Variants in MDN1 observed in about 807,000 individuals in gnomAD.
MDN1 encodes midasin.
In MDN1, 266 loss-of-function variants were observed where a neutral mutation model predicts 669.2. That is an observed-to-expected ratio of 0.40 (90% CI 0.36 to 0.44). MDN1 has a LOEUF of 0.44. MDN1 is among the 20% of genes least tolerant of loss of function. The pLI, the probability that MDN1 is intolerant of heterozygous loss-of-function variation, is 1.00. For missense variants in MDN1, 5,940 were observed against 6,754.0 expected, an observed-to-expected ratio of 0.88 and a Z score of 4.22; for synonymous variants, 2,385 against 2,457.1, an observed-to-expected ratio of 0.97 and a Z score of 0.87.
In MDN1 at chr6:89,654,179, T is replaced by G. The variant is rs574058435; in HGVS notation, c.15646A>C (p.Thr5216Pro). 7.4e-6 allele frequency: 12 copies of G among 1,614,234 alleles called. 2 individuals are homozygous for G. The South Asian group carries it at 1.3e-4, about 18-fold the overall frequency. The change falls in exon 93 of 102, where the codon ACC becomes CCC. Residue 5216 changes from threonine to proline, a missense_variant. Thr to Pro is a conservative substitution (Grantham distance 38). This residue lies in a region of MDN1 where 2,280 missense variants were observed against 2,576.3 expected (regional missense o/e 0.88). Transcript: ENST00000369393. ...CAGGACTCACCCAAGGGTGCTGTGG[T>G]GCCCGACTTGATTTCCTCTGGCTTC... is the stretch of plus-strand genomic sequence containing the variant. ...QLKPEEIKSGTTAPLGFDEME... is the reference protein window; with the variant it reads ...QLKPEEIKSGPTAPLGFDEME...
At chr6:89,760,390 A>G (rs1188238098) in intron 17 of MDN1, among the ~76,000 whole-genome samples, 1 of 152,166 alleles carries the variant, frequency 6.6e-6, no homozygotes, top group Non-Finnish European at 1.5e-5. Flanking sequence ...GGAGACACAC[A>G]TGGTGAGAGA....
rs745844453 is a variant in MDN1, at chr6:89,642,544, A to G, written c.*1461T>C. 1 of 152,250 alleles carries G rather than the reference A, an allele frequency of 6.6e-6. No homozygotes were observed. The highest frequency in any genetic ancestry group is 1.5e-5 in the Non-Finnish European group (1 of 68,050). 9.4% of individuals were successfully genotyped at this position (152,250 alleles called of 1,614,324 possible). On this transcript the variant is annotated 3_prime_UTR_variant, in exon 102 of 102. Transcript: ENST00000369393. ...TTTTTATAAGCCTCCTTATAAGGCT[A>G]CACCAACTCATCCTTTTCATTCTGC... is the stretch of plus-strand genomic sequence containing the variant.
intron 11 of MDN1, among the ~76,000 whole-genome samples, chr6:89,777,378 C>T (rs1282273369): frequency 6.6e-6 from 1 of 152,210 alleles, no homozygotes; most frequent in Non-Finnish European, 1.5e-5. Context: ...ACTTCTAAGC[C>T]TCATAGGCTG....
intron 88 of MDN1, 136 bp downstream of exon 88, chr6:89,661,295 T>C: frequency 1.0e-6 from 1 of 971,774 alleles, no homozygotes; most frequent in South Asian, 1.7e-5. Flanking sequence ...GGCAAACCAT[T>C]TTCTCAGACT....
intron 1 of MDN1, chr6:89,815,350 G>T: frequency 2.2e-6 from 1 of 463,920 alleles, no homozygotes; most frequent in Admixed American, 2.5e-5. Context: ...CATTATGGCG[G>T]AAGAGAGTGG....
chr6:89,735,694 T>A (rs1231113037), intron 33 of MDN1, among the ~76,000 whole-genome samples: 1 of 152,144 alleles, frequency 6.6e-6, no homozygotes, highest in African/African-American at 2.4e-5. Context: ...ACAATTAGGA[T>A]CAGAATTCAA....
rs780660286 is a variant in MDN1, at chr6:89,662,904, T to A, written c.14300A>T (p.Asn4767Ile). Residue 4767 changes from asparagine to isoleucine, a missense_variant, in exon 86 of 102, where the codon AAT becomes ATT. Asn to Ile is a moderately radical substitution (Grantham distance 149). Around this residue, in one of 5 missense-constraint regions of MDN1, gnomAD observed 2,280 missense variants for 2,576.3 expected, o/e 0.88. Coordinates refer to ENST00000369393, the MANE Select transcript of MDN1 (RefSeq NM_014611.3). The stretch of plus-strand genomic sequence containing the variant: ...ATCTAGTTTGTCAGCTTCCTCACCA[T>A]TGAGATCGCCCATGTGTTTATCCAG... ...GDLDKHMGDL[N>I]GEEADKLDER... The A allele has an allele frequency of 6.2e-7, 1 of 1,614,102 alleles. No individual in the cohort carries two copies. Among genetic ancestry groups the A allele is most frequent in the Non-Finnish European group, 8.5e-7 (1 of 1,180,018 alleles).
intron 20 of MDN1, among the ~76,000 whole-genome samples, chr6:89,755,296 C>A (rs59993691): frequency 6.0e-5 from 9 of 150,812 alleles, no homozygotes; most frequent in Non-Finnish European, 1.5e-5. Flanking sequence ...GTAATTCCAG[C>A]ACTTTGGGAG....
At chr6:89,664,111 A>C (rs916528167) in intron 85 of MDN1, among the ~76,000 whole-genome samples, 5 of 152,220 alleles carry the variant, frequency 3.3e-5, no homozygotes, top group African/African-American at 1.2e-4. Flanking sequence ...GTTCCAAATC[A>C]TCTACAACAA....
At chr6:89,782,685 G>A (rs536800635) in intron 9 of MDN1, among the ~76,000 whole-genome samples, 229 of 151,366 alleles carry the variant, frequency 1.5e-3, no homozygotes, top group African/African-American at 5.3e-3. Flanking sequence ...TCACGCCTGT[G>A]ATCCCAGCAC....
chr6:89,818,282 T>C (rs1487451904), intron 1 of MDN1, among the ~76,000 whole-genome samples: 4 of 135,486 alleles, frequency 3.0e-5, no homozygotes, highest in Non-Finnish European at 6.1e-5. Context: ...GGGTGGGCCA[T>C]TGCACTCCAG....
chr6:89,701,405 G>A (rs548651870), intron 55 of MDN1, among the ~76,000 whole-genome samples, 153 bp downstream of exon 55: 6 of 152,284 alleles, frequency 3.9e-5, no homozygotes, highest in African/African-American at 1.4e-4. Flanking sequence ...GGAGAATCCT[G>A]GAACCAATCA....
intron 40 of MDN1, among the ~76,000 whole-genome samples, chr6:89,722,680 T>A (rs1208306807): frequency 6.6e-6 from 1 of 152,064 alleles, no homozygotes; most frequent in Non-Finnish European, 1.5e-5. Flanking sequence ...AAACCCCGTT[T>A]CTACTAAATA....
rs1462359017 is a variant in MDN1, at chr6:89,658,652, T to C, written c.14979A>G (p.Glu4993=). The C allele has an allele frequency of 8.1e-6, 13 of 1,613,070 alleles. No individual in the cohort carries two copies. Among genetic ancestry groups the C allele is most frequent in the African/African-American group, 2.7e-5 (2 of 74,928 alleles). Residue 4993 remains glutamate (E), a synonymous_variant, in exon 89 of 102, where the codon GAA becomes GAG. Transcript: ENST00000369393. ...VEEKDKEADE[E]GGENGPADQG... is the part of the protein sequence containing the mutation. ...GGTCAGCAGGGCCATTCTCTCCACCTTCTTCATCGGCTTCCTTGTCTTTTT... is the reference window on the plus strand; with the variant it reads ...GGTCAGCAGGGCCATTCTCTCCACCCTCTTCATCGGCTTCCTTGTCTTTTT...
intron 33 of MDN1, among the ~76,000 whole-genome samples, chr6:89,733,488 A>C (rs1815731716): frequency 6.6e-6 from 1 of 152,066 alleles, no homozygotes; most frequent in Admixed American, 6.5e-5. Flanking sequence ...AATATCAAAG[A>C]ATATTTTAAA....
Position 89,695,645 on chromosome 6 carries a change from G to A in MDN1, c.9731C>T (p.Ala3244Val), listed in dbSNP as rs201083158. The A allele has an allele frequency of 1.1e-4, 183 of 1,609,414 alleles. No individual in the cohort carries two copies. Among genetic ancestry groups the A allele is most frequent in the African/African-American group, 2.5e-4 (19 of 74,962 alleles). ...TWLPQARFDP[A>V]VKREYKLNYV... ...ATTGAGCTTGTACTCCCTCTTCACC[G>A]CAGGGTCAAAGCGTGCCTGGGGAAG... The change falls in exon 61 of 102, where the codon GCG (alanine) becomes GTG (valine). Residue 3244 changes from alanine (A) to valine (V), a missense_variant. Coordinates refer to ENST00000369393, the MANE Select transcript of MDN1 (RefSeq NM_014611.3). This position sits in a 1 kb window ranked among gnomAD's most constrained non-coding sequence, Gnocchi z 4.1.
chr6:89,673,486 T>C (rs1308356510), intron 79 of MDN1, 24 bp from the exon 80 acceptor site: 1 of 1,603,286 alleles, frequency 6.2e-7, no homozygotes, highest in Non-Finnish European at 8.5e-7. Flanking sequence ...GCCACAATGT[T>C]GAAAGGAATG....
At chr6:89,733,419 C>T (rs1043020405) in intron 33 of MDN1, among the ~76,000 whole-genome samples, 16 of 151,630 alleles carry the variant, frequency 1.1e-4, no homozygotes, top group African/African-American at 3.9e-4. Flanking sequence ...TTAAATTGAG[C>T]AGAGTACTTT....
Position 89,687,003 on chromosome 6 carries a change from T to C in MDN1, c.11471A>G (p.Asp3824Gly). 6.2e-7 allele frequency: 1 copy of C among 1,605,620 alleles called. No homozygotes were observed. The highest frequency in any genetic ancestry group is 8.5e-7 in the Non-Finnish European group (1 of 1,175,996). ...CTCGGTGTGGCGCTTCATAGTATTATCCAAACTCATGGACCAGCAGCTGAA... is the reference window on the plus strand; with the variant it reads ...CTCGGTGTGGCGCTTCATAGTATTACCCAAACTCATGGACCAGCAGCTGAA... The part of the protein sequence containing the change: ...LELNCWSMSL[D>G]NTMKRHTEKS... The change falls in exon 69 of 102, where the codon GAT (aspartate) becomes GGT (glycine). Residue 3824 changes from aspartate (D) to glycine (G), a missense_variant. Coordinates refer to ENST00000369393, the MANE Select transcript of MDN1 (RefSeq NM_014611.3).
Sources: allele counts gnomAD v4.1 joint callset (sites outside exome capture counted in the v4.1 genomes callset), GRCh38; gene constraint gnomAD v4.1.1; regional missense constraint gnomAD v4.1.1; non-coding constraint Gnocchi (gnomAD v3.1); transcripts MANE v1.5; gene names NCBI Gene and HGNC (gene_info 2026-07-23, HGNC 2026-07-21).